PPM1L: variants seen among roughly 807,000 people sequenced by gnomAD.
PPM1L encodes the protein protein phosphatase, Mg2+/Mn2+ dependent 1L.
A neutral mutation model predicts 31.4 loss-of-function variants in PPM1L; 13 were observed. The ratio of observed to expected loss-of-function variants is 0.41; its 90% CI spans 0.27 to 0.66. The LOEUF (loss-of-function observed/expected upper bound fraction) is 0.66, where lower values mean the gene tolerates loss of function less well. PPM1L is among the 30% of genes least tolerant of loss of function. The pLI is 0.29. For synonymous variants in PPM1L, 184 were observed against 175.4 expected (o/e 1.05, Z -0.39); for missense variants, 326 against 453.7 (o/e 0.72, Z 2.56).
At chr3:160,969,602 T>G (rs1716257294) in intron 2 of PPM1L, among the ~76,000 whole-genome samples, 1 of 152,214 alleles carries the variant, frequency 6.6e-6, no homozygotes. Flanking sequence ...CTCAGTATAT[T>G]TCTCAAACAG....
At chr3:160,822,133 G>A (rs1350644203) in intron 1 of PPM1L, among the ~76,000 whole-genome samples, 1 of 151,992 alleles carries the variant, frequency 6.6e-6, no homozygotes, top group African/African-American at 2.4e-5. Flanking sequence ...AATTTATAAA[G>A]TATTTAAGAT....
chr3:160,854,603 TAC>T (rs373730817), intron 1 of PPM1L, among the ~76,000 whole-genome samples: 1 of 150,356 alleles, frequency 6.7e-6, no homozygotes, highest in Non-Finnish European at 1.5e-5. Context: ...TAGAGACACA[TAC>T]ACACACACAC....
chr3:160,993,661 T>A (rs1717210672), intron 2 of PPM1L, among the ~76,000 whole-genome samples: 1 of 152,112 alleles, frequency 6.6e-6, no homozygotes, highest in South Asian at 2.1e-4. Flanking sequence ...AGATTCCCAT[T>A]TTCAGACCCA....
intron 1 of PPM1L, among the ~76,000 whole-genome samples, chr3:160,925,211 T>G (rs1452671937): frequency 6.6e-6 from 1 of 152,190 alleles, no homozygotes; most frequent in Non-Finnish European, 1.5e-5. Context: ...AACTCTGATT[T>G]ACCAGTCACT....
chr3:160,941,891 A>C (rs1715174243), intron 1 of PPM1L, among the ~76,000 whole-genome samples: 1 of 152,330 alleles, frequency 6.6e-6, no homozygotes, highest in Non-Finnish European at 1.5e-5. Flanking sequence ...ACATTTGATA[A>C]ATGTTAAAAG....
chr3:160,960,680 C>G (rs1450530164), intron 1 of PPM1L, among the ~76,000 whole-genome samples: 2 of 151,838 alleles, frequency 1.3e-5, no homozygotes, highest in African/African-American at 2.4e-5. Flanking sequence ...ACCTTAGACA[C>G]TATGTGAGTA....
chr3:161,032,866 A>ATTTTTTTTTTTTTTTTT (rs61145165), intron 2 of PPM1L, among the ~76,000 whole-genome samples: 1 of 107,370 alleles, frequency 9.3e-6, no homozygotes. Flanking sequence ...CTAATTTTGT[A>ATTTTTTTTTTTTTTTTT]TTTTTTTTTT....
chr3:160,887,409 T>A (rs553910532), intron 1 of PPM1L, among the ~76,000 whole-genome samples: 1 of 151,308 alleles, frequency 6.6e-6, no homozygotes, highest in East Asian at 2.0e-4. Flanking sequence ...CATGAAAAGA[T>A]CAACCTCAAG....
At chr3:160,964,173 G>T (rs1004621548) in intron 2 of PPM1L, among the ~76,000 whole-genome samples, 3 of 151,934 alleles carry the variant, frequency 2.0e-5, no homozygotes, top group African/African-American at 7.2e-5. Flanking sequence ...GCTGACCCTT[G>T]CACAACATGG....
At chr3:161,060,543 A>G (rs190543578) in intron 2 of PPM1L, among the ~76,000 whole-genome samples, 1 of 152,288 alleles carries the variant, frequency 6.6e-6, no homozygotes. Context: ...TAAGAGTAAC[A>G]GAACTTAATG....
chr3:160,835,792 A>G (rs1713696966), intron 1 of PPM1L, among the ~76,000 whole-genome samples: 1 of 152,182 alleles, frequency 6.6e-6, no homozygotes, highest in Non-Finnish European at 1.5e-5. Context: ...ATTTTTGAGT[A>G]GGGAATATGA....
chr3:160,969,569 A>C (rs1274024733), intron 2 of PPM1L, among the ~76,000 whole-genome samples: 1 of 152,188 alleles, frequency 6.6e-6, no homozygotes, highest in East Asian at 1.9e-4. Flanking sequence ...GAAGTTCTTC[A>C]CTCCAACAAA....
intron 1 of PPM1L, among the ~76,000 whole-genome samples, chr3:160,875,054 G>A (rs1326215431): frequency 6.6e-6 from 1 of 152,096 alleles, no homozygotes; most frequent in Admixed American, 6.6e-5. Flanking sequence ...AATGAACATT[G>A]TTATTATTTT....
chr3:160,923,367 A>G (rs1714478091), intron 1 of PPM1L, among the ~76,000 whole-genome samples: 1 of 152,144 alleles, frequency 6.6e-6, no homozygotes, highest in Non-Finnish European at 1.5e-5. Flanking sequence ...TTAATATTTT[A>G]TTGTTCTGAA....
chr3:160,947,447 TTGTC>T (rs1482352771), intron 1 of PPM1L, among the ~76,000 whole-genome samples: 2 of 152,290 alleles, frequency 1.3e-5, no homozygotes, highest in Non-Finnish European at 2.9e-5. Context: ...CCTTATCCCT[TTGTC>T]TGTGAACCTC....
At chr3:161,064,336 T>C (rs1719661831) in intron 2 of PPM1L, among the ~76,000 whole-genome samples, 1 of 151,064 alleles carries the variant, frequency 6.6e-6, no homozygotes, top group Non-Finnish European at 1.5e-5. Context: ...CACTGCTCCC[T>C]AGCCTAGATG....
chr3:160,954,569 G>T (rs1275049868), intron 1 of PPM1L, among the ~76,000 whole-genome samples: 2 of 151,882 alleles, frequency 1.3e-5, no homozygotes, highest in Non-Finnish European at 2.9e-5. Flanking sequence ...TTGCCATGTT[G>T]CCCAGGCTGG....
intron 2 of PPM1L, among the ~76,000 whole-genome samples, chr3:160,970,787 A>ATTTTT (rs71628437): frequency 4.1e-5 from 4 of 97,190 alleles, no homozygotes; most frequent in Admixed American, 1.2e-4. Context: ...TTCAGTTATA[A>ATTTTT]TTTTTTTTTT....
rs116533149 is a variant in PPM1L, at chr3:160,826,543, A to G, written c.399+69836A>G. Among the ~76,000 whole-genome samples, 125 of 152,286 alleles carry G rather than the reference A, an allele frequency of 8.2e-4. 2 individuals are homozygous for G. Among genetic ancestry groups the G allele is most frequent in the African/African-American group, 2.8e-3 (118 of 41,568 alleles). On this transcript the variant is annotated intron_variant, in intron 1 of 3. Transcript: ENST00000498165. ...GTTAAGCAGATGAATTCCATTCCTG[A>G]TAGAATCTTTATTCAAAGTCCATTT...
Sources: gnomAD v4.1 joint callset for allele counts (sites outside exome capture counted in the v4.1 genomes callset) on GRCh38, gnomAD v4.1.1 for gene constraint, MANE v1.5 for transcripts, NCBI Gene and HGNC (gene_info 2026-07-23, HGNC 2026-07-21) for gene names.